The following MNAT1 variants were observed in gnomAD, a reference collection of about 807,000 sequenced individuals.
MNAT1 encodes MNAT1 component of CDK activating kinase.
MNAT1 carries 43 observed loss-of-function variants against 42.0 expected under a neutral mutation model. The observed-to-expected ratio is 1.02, with a 90% CI of 0.80 to 1.32. The LOEUF (loss-of-function observed/expected upper bound fraction) is 1.32. MNAT1 is among the 40% of genes most tolerant of loss of function. The pLI is 0.00. For missense variants in MNAT1, 306 were observed against 350.4 expected (o/e 0.87, Z 1.01); for synonymous variants, 118 against 120.0 (o/e 0.98, Z 0.11).
At chr14:60,917,535 CATGAACATGGG>C (rs1220209829) in intron 7 of MNAT1, among the ~76,000 whole-genome samples, 2 of 152,096 alleles carry the variant, frequency 1.3e-5, no homozygotes, top group African/African-American at 4.8e-5. Context: ...AGTGGTCACA[CATGAACATGGG>C]ACATATGCAA....
At chr14:60,796,908 AT>A (rs1301724531) in intron 2 of MNAT1, among the ~76,000 whole-genome samples, 1 of 152,090 alleles carries the variant, frequency 6.6e-6, no homozygotes, top group Non-Finnish European at 1.5e-5. Context: ...ATTAGAGAAA[AT>A]TACGTGTTAG....
chr14:60,872,878 A>G (rs1309536162), intron 6 of MNAT1, among the ~76,000 whole-genome samples: 1 of 149,708 alleles, frequency 6.7e-6, no homozygotes, highest in African/African-American at 2.5e-5. Flanking sequence ...ACATATATAT[A>G]TGCACTTTTT....
At chr14:60,746,201 T>C (rs1430364219) in intron 1 of MNAT1, among the ~76,000 whole-genome samples, 1 of 152,076 alleles carries the variant, frequency 6.6e-6, no homozygotes, top group African/African-American at 2.4e-5. Context: ...CTCTTAAAAT[T>C]TGTGTAATTT....
At chr14:60,747,955 G>A (rs575093713) in intron 1 of MNAT1, among the ~76,000 whole-genome samples, 1 of 152,240 alleles carries the variant, frequency 6.6e-6, no homozygotes, top group Admixed American at 6.5e-5. Flanking sequence ...CTAGCACTAT[G>A]GGAGGCCGAG....
At chr14:60,943,003 AGTGTGTGTGT>A (rs138575597) in intron 7 of MNAT1, among the ~76,000 whole-genome samples, 10,917 of 78,392 alleles carry the variant, frequency 0.14, 864 homozygotes, top group Non-Finnish European at 0.16. Flanking sequence ...AACCACATGT[AGTGTGTGTGT>A]GTGTGTGTGT....
intron 6 of MNAT1, among the ~76,000 whole-genome samples, chr14:60,829,497 G>A (rs1159137616): frequency 3.9e-5 from 6 of 151,906 alleles, no homozygotes; most frequent in Admixed American, 2.6e-4. Context: ...CCTTTACCAC[G>A]GTAAAGGAAA....
At chr14:60,762,602 A>C (rs1260324269) in intron 1 of MNAT1, among the ~76,000 whole-genome samples, 1 of 148,410 alleles carries the variant, frequency 6.7e-6, no homozygotes, top group Non-Finnish European at 1.5e-5. Flanking sequence ...GCTACCCGGG[A>C]GGCTGAGGCA....
intron 7 of MNAT1, among the ~76,000 whole-genome samples, chr14:60,952,184 T>G (rs963738091): frequency 5.3e-5 from 8 of 152,142 alleles, no homozygotes; most frequent in African/African-American, 1.7e-4. Context: ...ACAGTTGACT[T>G]TGGCTTAAGT....
At chr14:60,845,846 G>A (rs2033669125) in intron 6 of MNAT1, among the ~76,000 whole-genome samples, 1 of 152,034 alleles carries the variant, frequency 6.6e-6, no homozygotes, top group African/African-American at 2.4e-5. Context: ...TTGTTTTAGT[G>A]TGGCTTTGTT....
At chr14:60,849,706 G>T (rs570549926) in intron 6 of MNAT1, among the ~76,000 whole-genome samples, 27 of 152,240 alleles carry the variant, frequency 1.8e-4, no homozygotes, top group Admixed American at 1.2e-3. Flanking sequence ...GTATATGGCT[G>T]TAGATTCTAT....
At chr14:60,963,333 A>T (rs926129746) in intron 7 of MNAT1, among the ~76,000 whole-genome samples, 3 of 152,174 alleles carry the variant, frequency 2.0e-5, no homozygotes, top group Non-Finnish European at 4.4e-5. Context: ...AGTATTTCTG[A>T]CATGTAGTGT....
In MNAT1 at chr14:60,863,442, G is replaced by A. The variant is rs544415293; in HGVS notation, c.688-16272G>A. Reference sequence around the variant, plus strand: ...AGAATGTGCTTCAGCAAATGCAGCTGATTGGCAGTAGCATCTGTCTCAACA... The same window carrying A: ...AGAATGTGCTTCAGCAAATGCAGCTAATTGGCAGTAGCATCTGTCTCAACA... On this transcript the variant is annotated intron_variant, in intron 6 of 7. Coordinates refer to ENST00000261245, the MANE Select transcript of MNAT1 (RefSeq NM_002431.4). Among the ~76,000 whole-genome samples the A allele has an allele frequency of 1.6e-3, 236 of 152,214 alleles. 2 individuals carry two copies. Among genetic ancestry groups the A allele is most frequent in the African/African-American group, 5.5e-3 (228 of 41,544 alleles).
chr14:60,741,324 T>C (rs1896453589), intron 1 of MNAT1, among the ~76,000 whole-genome samples: 1 of 152,020 alleles, frequency 6.6e-6, no homozygotes, highest in South Asian at 2.1e-4. Flanking sequence ...TACAGGTGCA[T>C]GGCACCACAC....
chr14:60,741,680 T>TTTA (rs1555371492), intron 1 of MNAT1, among the ~76,000 whole-genome samples: 1 of 141,446 alleles, frequency 7.1e-6, no homozygotes, highest in African/African-American at 2.6e-5. Context: ...TTTTTTTTTT[T>TTTA]AATTTTTAGT....
chr14:60,760,463 C>T (rs1240178428), intron 1 of MNAT1, among the ~76,000 whole-genome samples: 1 of 152,060 alleles, frequency 6.6e-6, no homozygotes, highest in Non-Finnish European at 1.5e-5. Flanking sequence ...CAATTAACAC[C>T]TCACTGCCTT....
rs4151414 is a variant in MNAT1, at chr14:60,968,959, G to A, written c.*610G>A. 6.8e-4 allele frequency: 109 copies of A among 159,160 alleles called. No homozygotes were observed. The South Asian group carries it at 0.02, about 29-fold the overall frequency. 9.9% of individuals were successfully genotyped at this position (159,160 alleles called of 1,614,324 possible). On this transcript the variant is annotated 3_prime_UTR_variant, in exon 8 of 8. Transcript: ENST00000261245. ...GGAAAATGAGGCAAACCTTGATCAA[G>A]GTGTTATAGTTCCCAGCTGTGAGCC...
chr14:60,738,011 G>T (rs1339648036), intron 1 of MNAT1, among the ~76,000 whole-genome samples: 3 of 150,002 alleles, frequency 2.0e-5, no homozygotes, highest in Non-Finnish European at 3.0e-5. Flanking sequence ...ACCACGCCCG[G>T]CTAATTTTTT....
chr14:60,846,324 C>T (rs1461183108), intron 6 of MNAT1, among the ~76,000 whole-genome samples: 1 of 151,954 alleles, frequency 6.6e-6, no homozygotes, highest in Non-Finnish European at 1.5e-5. Context: ...TCCCTTGGCA[C>T]ATCAACCTAG....
intron 6 of MNAT1, among the ~76,000 whole-genome samples, chr14:60,842,921 A>G (rs988205530): frequency 6.6e-6 from 1 of 152,234 alleles, no homozygotes; most frequent in Non-Finnish European, 1.5e-5. Context: ...CCAGGAAAAG[A>G]TCAAAATTCG....
Sources: gnomAD v4.1 joint callset for allele counts (sites outside exome capture counted in the v4.1 genomes callset) on GRCh38, gnomAD v4.1.1 for gene constraint, MANE v1.5 for transcripts, NCBI Gene and HGNC (gene_info 2026-07-23, HGNC 2026-07-21) for gene names.